PAN2: variants seen among roughly 807,000 people sequenced by gnomAD.
The protein encoded by PAN2 is poly(A) specific ribonuclease subunit PAN2, also known as PAN2-PAN3 deadenylation complex catalytic subunit PAN2.
In PAN2, 68 loss-of-function variants were observed where a neutral mutation model predicts 133.3. That is an observed-to-expected ratio of 0.51 (90% CI 0.42 to 0.62). The LOEUF is 0.62. Among genes scored for constraint, PAN2 ranks in the 20% least tolerant of loss-of-function variants. The probability of loss-of-function intolerance (pLI) is 0.00; values close to 1 mark genes in which losing one functional copy is unlikely to be tolerated. For missense variants in PAN2, 1,042 were observed against 1,500.5 expected (o/e 0.69, Z 5.05); for synonymous variants, 462 against 544.6 (o/e 0.85, Z 2.11).
At chr12:56,327,173 C>CT (rs1045735146) in intron 6 of PAN2, among the ~76,000 whole-genome samples, 191 bp downstream of exon 6, 2 of 152,150 alleles carry the variant, frequency 1.3e-5, no homozygotes, top group African/African-American at 4.8e-5. Context: ...TTATCTTTAC[C>CT]TTTTTCCATG....
At position 56,322,144 on chromosome 12, in the gene PAN2, T is replaced by A; in HGVS notation, c.2722A>T (p.Asn908Tyr). 6.2e-7 allele frequency: 1 copy of A among 1,608,048 alleles called. No homozygotes were observed. Among genetic ancestry groups the A allele is most frequent in the South Asian group, 1.1e-5 (1 of 90,934 alleles). The part of the protein sequence containing the change: ...DKHEAVQFDM[N>Y]WKVPAILYYV... ...TAAAGGATTGCAGGTACTTTCCAATTCATGTCAAACTGCACAGCTTCATGC... is the reference window on the plus strand; with the variant it reads ...TAAAGGATTGCAGGTACTTTCCAATACATGTCAAACTGCACAGCTTCATGC... Residue 908 changes from asparagine (N) to tyrosine (Y), a missense_variant, in exon 20 of 26, where the codon AAT (asparagine) becomes TAT (tyrosine). By Grantham distance (143) the Asn-to-Tyr change is moderately radical. Around this residue, in one of 3 missense-constraint regions of PAN2, gnomAD observed 908 missense variants for 1,223.5 expected, o/e 0.74. Transcript: ENST00000440411.
At chr12:56,332,600 GAA>G (rs373985446) in intron 2 of PAN2, 21,042 of 311,426 alleles carry the variant, frequency 0.068, no homozygotes, top group East Asian at 0.09. Context: ...ACCCTGTCTC[GAA>G]AAAAAAAAAA....
rs1874021584 is a variant in PAN2 at position 56,317,162 on chromosome 12, T to C, written c.*447A>G. 6.4e-6 allele frequency: 1 copy of C among 157,044 alleles called. No homozygotes were observed. Among genetic ancestry groups the C allele is most frequent in the Non-Finnish European group, 1.4e-5 (1 of 71,280 alleles). The allele number at this position is 157,044 out of a possible 1,614,324, so 9.7% of individuals were successfully genotyped here. ...ACTGGTTTGCTTGGGCCACCAACACTCTACTTGCTGGCCCCTCCAGGTATC... is the reference window on the plus strand; with the variant it reads ...ACTGGTTTGCTTGGGCCACCAACACCCTACTTGCTGGCCCCTCCAGGTATC... On this transcript the variant is annotated 3_prime_UTR_variant, in exon 26 of 26. Transcript: ENST00000440411.
At position 56,318,244 on chromosome 12, in the gene PAN2, A is replaced by G. The variant is rs1874128670; in HGVS notation, c.3555T>C (p.Ser1185=). ...TCCCATCCCAGGTCTTACTCTTGGG[A>G]CTTGTTTGGCCCTCAGGCTCAGGCA... The part of the protein sequence containing the change: ...WKVPEPEGQT[S]PKNAAVFSSV... The change falls in exon 25 of 26, where the codon AGT becomes AGC. Residue 1185 remains serine (S), a synonymous_variant. Coordinates refer to ENST00000440411, the MANE Select transcript of PAN2 (RefSeq NM_014871.6). 6.2e-7 allele frequency: 1 copy of G among 1,613,496 alleles called. No individual in the cohort carries two copies.
In PAN2 at chr12:56,332,676, T is replaced by C. The variant is rs1232292922; in HGVS notation, c.282+137A>G. The stretch of plus-strand genomic sequence containing the variant: ...ACTCCTAGATCCTAGATTCTCCCTT[T>C]ATCCCTCCAACCAGACCCAGCTGTC... On this transcript the variant is annotated intron_variant, in intron 2 of 25. Transcript: ENST00000440411. 5.2e-6 allele frequency: 4 copies of C among 771,592 alleles called. No homozygotes were observed. In the African/African-American group the frequency reaches 5.2e-5, roughly 10 times the overall value. 47.8% of individuals were successfully genotyped at this position (771,592 alleles called of 1,614,324 possible).
chr12:56,327,950 G>C, intron 5 of PAN2, 45 bp downstream of exon 5: 1 of 1,612,798 alleles, frequency 6.2e-7, no homozygotes, highest in African/African-American at 1.3e-5. Flanking sequence ...CAGGTATCTA[G>C]TGAAACAGGG....
intron 20 of PAN2, among the ~76,000 whole-genome samples, chr12:56,321,437 CA>C (rs1360528653): frequency 6.6e-6 from 1 of 150,732 alleles, no homozygotes; most frequent in Non-Finnish European, 1.5e-5. Flanking sequence ...CCATGTTGCC[CA>C]AACTGGTTTT....
At position 56,324,829 on chromosome 12, in the gene PAN2, G is replaced by A; in HGVS notation, c.1600-120C>T. Reference sequence around the variant, plus strand: ...AAGCAGGAGTCCACCGAAGCAGTGAGTCCACCAAACCGGTGGAGCTCAGAG... The same window carrying A: ...AAGCAGGAGTCCACCGAAGCAGTGAATCCACCAAACCGGTGGAGCTCAGAG... On this transcript the variant is annotated intron_variant, in intron 10 of 25. Transcript: ENST00000440411. 2.9e-6 allele frequency: 4 copies of A among 1,400,898 alleles called. No homozygotes were observed. The South Asian group carries it at 4.2e-5, about 15-fold the overall frequency. 86.8% of individuals were successfully genotyped at this position (1,400,898 alleles called of 1,614,324 possible). A position where few individuals can be genotyped will look rare whatever the true frequency, so the allele number is the denominator to read the frequency against.
chr12:56,326,206 G>T, intron 8 of PAN2, 107 bp downstream of exon 8: 4 of 1,000,706 alleles, frequency 4.0e-6, no homozygotes, highest in African/African-American at 1.6e-5. Flanking sequence ...CATCAATTTG[G>T]TTGGTTACCA....
chr12:56,326,423 T>G lies in PAN2; in HGVS notation c.1263-14A>C. On this transcript the variant is annotated splice_polypyrimidine_tract_variant and intron_variant, in intron 7 of 25. Transcript: ENST00000440411. ...GGTGGTGCTCGCCTACAATCCAGCATAGTTCTAGGACTTAAAGAGTTGTGG... is the reference window on the plus strand; with the variant it reads ...GGTGGTGCTCGCCTACAATCCAGCAGAGTTCTAGGACTTAAAGAGTTGTGG... 1.9e-6 allele frequency: 3 copies of G among 1,575,294 alleles called. No individual in the cohort carries two copies. The highest frequency in any genetic ancestry group is 2.6e-6 in the Non-Finnish European group (3 of 1,154,980).
At chr12:56,323,406 C>A in intron 15 of PAN2, 22 bp from the exon 16 acceptor site, 1 of 1,611,212 alleles carries the variant, frequency 6.2e-7, no homozygotes, top group Non-Finnish European at 8.5e-7. Context: ...AGAAAAACAT[C>A]CAGTTCTTCA....
chr12:56,333,037 C>A lies in PAN2; in HGVS notation c.58G>T (p.Ala20Ser). ...LAEYAPAMHS[A>S]LDPVLDAHLN... ...TGGGCATCCAAGACAGGGTCCAGGG[C>A]AGAATGCATGGCTGGGGCATATTCT... The change falls in exon 2 of 26, where the codon GCC becomes TCC. Residue 20 changes from alanine (A) to serine (S), a missense_variant. Ala to Ser is a moderately conservative substitution (Grantham distance 99). Around this residue, in one of 3 missense-constraint regions of PAN2, gnomAD observed 908 missense variants for 1,223.5 expected, o/e 0.74. Coordinates refer to ENST00000440411, the MANE Select transcript of PAN2 (RefSeq NM_014871.6). The A allele has an allele frequency of 6.2e-7, 1 of 1,614,174 alleles. No individual in the cohort carries two copies. The highest frequency in any genetic ancestry group is 1.3e-5 in the African/African-American group (1 of 75,042).
chr12:56,320,051 C>T, intron 20 of PAN2, 30 bp from the exon 21 acceptor site: 8 of 1,612,072 alleles, frequency 5.0e-6, no homozygotes, highest in Non-Finnish European at 6.8e-6. Flanking sequence ...GGACACAGGG[C>T]TTGGATAGGG....
Position 56,333,086 on chromosome 12 carries a change from A to T in PAN2, c.9T>A (p.Phe3Leu). ...CTGCCAGTCCAGGGTCCAGACCCTC[A>T]AAGTTCATGATGACGATGGCAGCTT... Reference protein sequence around the residue: MNFEGLDPGLAEY... With the variant: MNLEGLDPGLAEY... The change falls in exon 2 of 26, where the codon TTT becomes TTA. Residue 3 changes from phenylalanine (F) to leucine (L), a missense_variant. By Grantham distance (22) the Phe-to-Leu change is conservative. This residue lies in a region of PAN2 where 908 missense variants were observed against 1,223.5 expected (regional missense o/e 0.74). Coordinates refer to ENST00000440411, the MANE Select transcript of PAN2 (RefSeq NM_014871.6). The T allele has an allele frequency of 6.2e-7, 1 of 1,613,382 alleles. No individual in the cohort carries two copies. Among genetic ancestry groups the T allele is most frequent in the South Asian group, 1.1e-5 (1 of 91,078 alleles).
In PAN2 at chr12:56,328,507, A is replaced by G; in HGVS notation, c.417T>C (p.Tyr139=). 6.2e-7 allele frequency: 1 copy of G among 1,614,234 alleles called. No individual in the cohort carries two copies. The highest frequency in any genetic ancestry group is 8.5e-7 in the Non-Finnish European group (1 of 1,180,032). Reference sequence around the variant, plus strand: ...ATATAATGAGGCCCCCACGGGCCATATACTTGAGGTTGTTCTTGGTGAGAA... The same window carrying G: ...ATATAATGAGGCCCCCACGGGCCATGTACTTGAGGTTGTTCTTGGTGAGAA... ...ILFLTKNNLK[Y]MARGGLIIFD... is the part of the protein sequence containing the mutation. Residue 139 remains tyrosine, a synonymous_variant, in exon 3 of 26, where the codon TAT becomes TAC. Coordinates refer to ENST00000440411, the MANE Select transcript of PAN2 (RefSeq NM_014871.6).
At chr12:56,318,191 C>T (rs781468853) in intron 25 of PAN2, 46 bp downstream of exon 25, 1 of 1,524,064 alleles carries the variant, frequency 6.6e-7, no homozygotes, top group Non-Finnish European at 9.1e-7. Context: ...AAACAAAATA[C>T]AAAATCCACC....
Position 56,326,968 on chromosome 12 carries a change from G to A in PAN2, c.920-9C>T. Reference sequence around the variant, plus strand: ...ACAGAATTGGCACTGCCCTACAAAGGAGGAAGAAACCCACTGAGCCCTAGA... The same window carrying A: ...ACAGAATTGGCACTGCCCTACAAAGAAGGAAGAAACCCACTGAGCCCTAGA... On this transcript the variant is annotated splice_polypyrimidine_tract_variant and intron_variant, in intron 6 of 25. Coordinates refer to ENST00000440411, the MANE Select transcript of PAN2 (RefSeq NM_014871.6). The A allele has an allele frequency of 2.5e-6, 4 of 1,607,784 alleles. No individual in the cohort carries two copies. The highest frequency in any genetic ancestry group is 3.4e-6 in the Non-Finnish European group (4 of 1,175,344).
Sources: gnomAD v4.1 joint callset for allele counts (sites outside exome capture counted in the v4.1 genomes callset) on GRCh38, gnomAD v4.1.1 for gene constraint, gnomAD v4.1.1 regional missense constraint, MANE v1.5 for transcripts, NCBI Gene and HGNC (gene_info 2026-07-23, HGNC 2026-07-21) for gene names.